The following FBXL17 variants were observed in gnomAD, a reference collection of about 807,000 sequenced individuals.
FBXL17 encodes the protein F-box and leucine rich repeat protein 17, also known as F-box/LRR-repeat protein 17.
FBXL17 carries 22 observed loss-of-function variants against 66.2 expected under a neutral mutation model. The ratio of observed to expected loss-of-function variants is 0.33; its 90% CI spans 0.24 to 0.47. The LOEUF is 0.47. Ranked by LOEUF, FBXL17 falls within the 20% of genes least tolerant of loss-of-function variation. FBXL17 has a pLI of 1.00. For synonymous variants in FBXL17, 474 were observed against 400.5 expected (o/e 1.18, Z -2.19); for missense variants, 878 against 948.2 (o/e 0.93, Z 0.97).
At chr5:108,139,774 G>C (rs993867478) in intron 6 of FBXL17, among the ~76,000 whole-genome samples, 4 of 152,164 alleles carry the variant, frequency 2.6e-5, no homozygotes, top group African/African-American at 9.7e-5. Flanking sequence ...CTTAGAGCTA[G>C]AAGGCATCTA....
intron 4 of FBXL17, among the ~76,000 whole-genome samples, chr5:108,339,777 T>C (rs1746754702): frequency 6.6e-6 from 1 of 152,196 alleles, no homozygotes; most frequent in African/African-American, 2.4e-5. Context: ...CCATAACAAA[T>C]TCTGCATTAT....
intron 4 of FBXL17, among the ~76,000 whole-genome samples, chr5:108,254,396 T>C (rs1756487455): frequency 6.6e-6 from 1 of 152,176 alleles, no homozygotes; most frequent in South Asian, 2.1e-4. Context: ...GTCTCTTCCC[T>C]GTCAATTCCC....
At chr5:108,334,240 T>A (rs904104406) in intron 4 of FBXL17, among the ~76,000 whole-genome samples, 7 of 152,176 alleles carry the variant, frequency 4.6e-5, no homozygotes, top group Admixed American at 4.6e-4. Context: ...GACTTCTAAT[T>A]CACTGTACAT....
intron 3 of FBXL17, among the ~76,000 whole-genome samples, chr5:108,356,177 A>T (rs1045832854): frequency 6.6e-6 from 1 of 152,198 alleles, no homozygotes; most frequent in Non-Finnish European, 1.5e-5. Flanking sequence ...CAACACTCCA[A>T]AAAAACCTAG....
At chr5:107,864,132 T>C (rs1322422615) in intron 8 of FBXL17, among the ~76,000 whole-genome samples, 2 of 152,186 alleles carry the variant, frequency 1.3e-5, no homozygotes, top group East Asian at 3.8e-4. Context: ...CGATTAAATA[T>C]AATAATATGC....
chr5:107,950,499 A>G (rs1015376588), intron 7 of FBXL17, among the ~76,000 whole-genome samples: 1 of 152,158 alleles, frequency 6.6e-6, no homozygotes, highest in Non-Finnish European at 1.5e-5. Context: ...ACATATAAAT[A>G]TGGGGTAGAT....
rs145338972 is a variant in FBXL17 at position 108,252,562 on chromosome 5, T to C, written c.1507-28334A>G. ...AAATGACTAAAATCAGGTAAAAACATAGTAAGATAGTTGGTGTGAATTCCA... is the reference window on the plus strand; with the variant it reads ...AAATGACTAAAATCAGGTAAAAACACAGTAAGATAGTTGGTGTGAATTCCA... On this transcript the variant is annotated intron_variant, in intron 4 of 8. Coordinates refer to ENST00000542267, the MANE Select transcript of FBXL17 (RefSeq NM_001163315.3). 3.4e-3 allele frequency among the ~76,000 whole-genome samples: 517 copies of C among 152,190 alleles called. 3 individuals are homozygous for C. The highest frequency in any genetic ancestry group is 0.012 in the African/African-American group (498 of 41,550).
chr5:108,244,941 T>G (rs1220217848), intron 4 of FBXL17, among the ~76,000 whole-genome samples: 1 of 152,170 alleles, frequency 6.6e-6, no homozygotes, highest in Non-Finnish European at 1.5e-5. Flanking sequence ...CATATTCTAC[T>G]GTTGTTAAAG....
chr5:107,974,224 T>C (rs868450852), intron 7 of FBXL17, among the ~76,000 whole-genome samples: 5 of 152,300 alleles, frequency 3.3e-5, no homozygotes, highest in African/African-American at 9.6e-5. Flanking sequence ...AAGTTAAAGA[T>C]AGAGACCTCA....
chr5:107,897,454 C>G (rs7726739), intron 7 of FBXL17, among the ~76,000 whole-genome samples: 22,697 of 150,126 alleles, frequency 0.15, 2,190 homozygotes, highest in African/African-American at 0.26. Context: ...ATAATGACAA[C>G]CCTTTTTCTG....
intron 6 of FBXL17, among the ~76,000 whole-genome samples, chr5:108,114,411 G>A (rs1019139672): frequency 2.0e-5 from 3 of 151,750 alleles, no homozygotes; most frequent in Non-Finnish European, 4.4e-5. Flanking sequence ...GAGTGTTATT[G>A]TTAATGAAAG....
rs10641660 is a variant in FBXL17 at position 107,882,355 on chromosome 5, AT to A, written c.1823-1177del. ...ATCTTTCTTTGCTAATTACCTCAGT[AT>A]TTTTTTTTTTTACTAGAAAACTCAT... On this transcript the variant is annotated intron_variant, in intron 7 of 8. Transcript: ENST00000542267. 2.6e-3 allele frequency among the ~76,000 whole-genome samples: 380 copies of A among 148,062 alleles called. 1 individual carries two copies. The highest frequency in any genetic ancestry group is 4.7e-3 in the African/African-American group (189 of 40,600).
At chr5:107,877,432 T>G (rs1327017593) in intron 8 of FBXL17, among the ~76,000 whole-genome samples, 2 of 152,170 alleles carry the variant, frequency 1.3e-5, no homozygotes, top group Non-Finnish European at 2.9e-5. Context: ...GGAAACACTG[T>G]TTTCCTACAA....
chr5:108,234,412 C>G (rs1246618089), intron 4 of FBXL17, among the ~76,000 whole-genome samples: 1 of 152,172 alleles, frequency 6.6e-6, no homozygotes, highest in Non-Finnish European at 1.5e-5. Flanking sequence ...CTTCCTCCTC[C>G]AAATCAAACC....
intron 7 of FBXL17, among the ~76,000 whole-genome samples, chr5:108,003,620 C>T (rs182383103): frequency 6.8e-4 from 103 of 152,170 alleles, no homozygotes; most frequent in Non-Finnish European, 7.9e-4. Context: ...GAGCAAGTAA[C>T]ATGTTACTAT....
intron 1 of FBXL17, among the ~76,000 whole-genome samples, chr5:108,377,514 G>T (rs964130496): frequency 6.6e-6 from 1 of 152,254 alleles, no homozygotes; most frequent in Non-Finnish European, 1.5e-5. Flanking sequence ...TGCCAAAAGT[G>T]CTGGGACAGG....
At chr5:108,332,755 G>A (rs938446057) in intron 4 of FBXL17, among the ~76,000 whole-genome samples, 40 of 151,902 alleles carry the variant, frequency 2.6e-4, no homozygotes, top group African/African-American at 9.2e-4. Context: ...TTATGGTTGT[G>A]CACCATCATG....
chr5:108,217,357 G>T (rs1317806582), intron 5 of FBXL17, among the ~76,000 whole-genome samples: 1 of 152,028 alleles, frequency 6.6e-6, no homozygotes, highest in Non-Finnish European at 1.5e-5. Context: ...ATATTATATT[G>T]AAACAATATA....
intron 4 of FBXL17, among the ~76,000 whole-genome samples, chr5:108,230,495 T>C (rs1755283239): frequency 6.6e-6 from 1 of 152,138 alleles, no homozygotes; most frequent in Admixed American, 6.6e-5. Context: ...TCATATGTTC[T>C]CACTCATAAG....
Sources: allele counts gnomAD v4.1 joint callset (sites outside exome capture counted in the v4.1 genomes callset), GRCh38; gene constraint gnomAD v4.1.1; transcripts MANE v1.5; gene names NCBI Gene and HGNC (gene_info 2026-07-23, HGNC 2026-07-21).